PCDHA3: variants seen among roughly 807,000 people sequenced by gnomAD.
The protein encoded by PCDHA3 is protocadherin alpha 3.
In PCDHA3, 41 loss-of-function variants were observed where a neutral mutation model predicts 62.2. The ratio of observed to expected loss-of-function variants is 0.66; its 90% CI spans 0.51 to 0.86. The LOEUF (loss-of-function observed/expected upper bound fraction) is 0.86, where lower values mean the gene tolerates loss of function less well. Ranked by LOEUF, PCDHA3 falls within the 40% of genes least tolerant of loss-of-function variation. The pLI, the probability that PCDHA3 is intolerant of heterozygous loss-of-function variation, is 0.00. For synonymous variants in PCDHA3, 640 were observed against 555.4 expected (o/e 1.15, Z -2.14); for missense variants, 1,304 against 1,241.2 (o/e 1.05, Z -0.76).
intron 1 of PCDHA3, among the ~76,000 whole-genome samples, chr5:140,940,207 G>C (rs1554213216): frequency 2.6e-5 from 4 of 152,094 alleles, no homozygotes; most frequent in Non-Finnish European, 5.9e-5. Context: ...TAAAATTCAA[G>C]ATTGGCATTT....
intron 1 of PCDHA3, among the ~76,000 whole-genome samples, chr5:140,884,922 T>C (rs1253595342): frequency 6.6e-6 from 1 of 152,246 alleles, no homozygotes; most frequent in African/African-American, 2.4e-5. Context: ...TAGTTCTAAG[T>C]ATTTATCTTG....
At chr5:140,834,107 A>C in intron 1 of PCDHA3, 1 of 401,594 alleles carries the variant, frequency 2.5e-6, no homozygotes, top group Non-Finnish European at 4.4e-6. Context: ...AAAAAAATTC[A>C]GAGTTTGAAA....
chr5:141,010,058 C>T lies in PCDHA3; in HGVS notation c.*121C>T. On this transcript the variant is annotated 3_prime_UTR_variant, in exon 4 of 4. Transcript: ENST00000522353. Reference sequence around the variant, plus strand: ...GAGCCCTCTTAGAGACCTCAGAAATCTGCAGAAAGTTCCCTGTGTCTGTCT... The same window carrying T: ...GAGCCCTCTTAGAGACCTCAGAAATTTGCAGAAAGTTCCCTGTGTCTGTCT... 6.2e-7 allele frequency: 1 copy of T among 1,601,100 alleles called. No homozygotes were observed. Among genetic ancestry groups the T allele is most frequent in the Non-Finnish European group, 8.5e-7 (1 of 1,173,728 alleles).
chr5:140,823,684 G>T (rs1554129546), intron 1 of PCDHA3: 1 of 1,613,918 alleles, frequency 6.2e-7, no homozygotes, highest in Non-Finnish European at 8.5e-7. Flanking sequence ...ACGCTCTCTG[G>T]ATGAGACCGA....
intron 1 of PCDHA3, among the ~76,000 whole-genome samples, chr5:140,957,575 T>C (rs1437290620): frequency 6.6e-6 from 1 of 152,152 alleles, no homozygotes; most frequent in African/African-American, 2.4e-5. Flanking sequence ...ACTACTGTAC[T>C]TTTAACAAAG....
intron 1 of PCDHA3, among the ~76,000 whole-genome samples, chr5:140,896,733 C>T (rs920661983): frequency 2.0e-5 from 3 of 151,970 alleles, no homozygotes; most frequent in Non-Finnish European, 2.9e-5. Flanking sequence ...TGTTTAAGTT[C>T]CTTATAGATT....
At chr5:141,007,613 T>C (rs1351675120) in intron 3 of PCDHA3, among the ~76,000 whole-genome samples, 1 of 152,056 alleles carries the variant, frequency 6.6e-6, no homozygotes, top group Non-Finnish European at 1.5e-5. Context: ...GAAGCAGATA[T>C]AGGAGAGGTC....
chr5:140,805,195 T>G (rs1383426581), intron 1 of PCDHA3: 2 of 1,457,630 alleles, frequency 1.4e-6, no homozygotes, highest in Non-Finnish European at 1.8e-6. Flanking sequence ...AAATATTGAA[T>G]AGCTACCAAA....
chr5:140,828,428 C>T (rs2150155297), intron 1 of PCDHA3: 2 of 1,614,252 alleles, frequency 1.2e-6, no homozygotes, highest in Admixed American at 1.7e-5. Context: ...CGTGGACAGG[C>T]CGCTGCAGGT....
At chr5:140,923,376 A>T (rs1331786466) in intron 1 of PCDHA3, among the ~76,000 whole-genome samples, 5 of 152,086 alleles carry the variant, frequency 3.3e-5, no homozygotes, top group Non-Finnish European at 7.3e-5. Flanking sequence ...ATATTTTTAA[A>T]AATTAGTTGG....
At chr5:140,822,436 C>T (rs2150116376) in intron 1 of PCDHA3, 20 of 1,613,756 alleles carry the variant, frequency 1.2e-5, no homozygotes, top group Non-Finnish European at 1.6e-5. Flanking sequence ...AAAACCCGAA[C>T]TAACAGGTAC....
At chr5:140,856,696 A>C (rs2044153599) in intron 1 of PCDHA3, 1 of 1,596,642 alleles carries the variant, frequency 6.3e-7, no homozygotes, top group Non-Finnish European at 8.6e-7. Flanking sequence ...CAACTGATGG[A>C]GGCAAACCTG....
intron 1 of PCDHA3, among the ~76,000 whole-genome samples, chr5:140,890,896 T>A (rs2062845405): frequency 6.6e-6 from 1 of 152,182 alleles, no homozygotes; most frequent in African/African-American, 2.4e-5. Context: ...ATTATTGTCT[T>A]TCCATGTTAG....
intron 1 of PCDHA3, among the ~76,000 whole-genome samples, chr5:140,887,600 G>A (rs1306659335): frequency 6.6e-6 from 1 of 151,812 alleles, no homozygotes; most frequent in African/African-American, 2.4e-5. Context: ...TGATTGTGAT[G>A]TGCTTTAGTA....
intron 1 of PCDHA3, chr5:140,848,197 A>G: frequency 3.2e-6 from 1 of 310,898 alleles, no homozygotes; most frequent in Middle Eastern, 9.7e-4. Flanking sequence ...TTCTGTTTCA[A>G]CAATCATTAC....
chr5:140,989,215 C>T (rs1162430361), intron 3 of PCDHA3, among the ~76,000 whole-genome samples: 1 of 152,108 alleles, frequency 6.6e-6, no homozygotes, highest in Non-Finnish European at 1.5e-5. Flanking sequence ...CTTTATACAC[C>T]ATTCTTTGTA....
chr5:140,843,218 A>C, intron 1 of PCDHA3: 1 of 1,596,010 alleles, frequency 6.3e-7, no homozygotes, highest in Non-Finnish European at 8.6e-7. Context: ...CGAGATCAGC[A>C]CCACTCGTGT....
intron 1 of PCDHA3, chr5:140,857,757 G>C (rs782736508): frequency 6.3e-7 from 1 of 1,597,402 alleles, no homozygotes; most frequent in Non-Finnish European, 8.6e-7. Flanking sequence ...TCTCCCGCTG[G>C]CAGCGCGGGC....
chr5:140,967,838 G>A, intron 1 of PCDHA3: 1 of 1,614,124 alleles, frequency 6.2e-7, no homozygotes, highest in Non-Finnish European at 8.5e-7. Flanking sequence ...CATCGTGGAC[G>A]TGAATGACAA....
Sources: allele counts gnomAD v4.1 joint callset (sites outside exome capture counted in the v4.1 genomes callset), GRCh38; gene constraint gnomAD v4.1.1; transcripts MANE v1.5; gene names NCBI Gene and HGNC (gene_info 2026-07-23, HGNC 2026-07-21).